The following PLLP variants were observed in gnomAD, a reference collection of about 807,000 sequenced individuals.
The protein encoded by PLLP is plasma membrane proteolipid (plasmolipin).
A neutral mutation model predicts 19.7 loss-of-function variants in PLLP; 15 were observed. That is an observed-to-expected ratio of 0.76 (90% CI 0.51 to 1.17). The LOEUF (loss-of-function observed/expected upper bound fraction) is 1.17, where lower values mean the gene tolerates loss of function less well. Ranked by LOEUF, PLLP falls within the 50% of genes most tolerant of loss-of-function variation. The probability of loss-of-function intolerance (pLI) is 0.00; values close to 1 mark genes in which losing one functional copy is unlikely to be tolerated. For missense variants in PLLP, 255 were observed against 258.3 expected (o/e 0.99, Z 0.09); for synonymous variants, 111 against 116.3 (o/e 0.95, Z 0.29).
chr16:57,258,344 T>C (rs2075432133), intron 3 of PLLP, 118 bp downstream of exon 3: 1 of 969,452 alleles, frequency 1.0e-6, no homozygotes, highest in Non-Finnish European at 1.5e-6. Flanking sequence ...ACCCACTGAG[T>C]GTTCAGGTGA....
Position 57,266,836 on chromosome 16 carries a change from T to C in PLLP, c.136-4766A>G, listed in dbSNP as rs2075458784. On this transcript the variant is annotated intron_variant, in intron 1 of 3. Coordinates refer to ENST00000219207, the MANE Select transcript of PLLP (RefSeq NM_015993.3). Reference sequence around the variant, plus strand: ...GGTCCTGCAGATAAACAAAGGGAACTGTCTGGAAATCTCAAGGGCACAGGG... The same window carrying C: ...GGTCCTGCAGATAAACAAAGGGAACCGTCTGGAAATCTCAAGGGCACAGGG... 2.0e-5 allele frequency among the ~76,000 whole-genome samples: 3 copies of C among 150,416 alleles called. No individual in the cohort carries two copies. In the South Asian group the frequency reaches 6.3e-4, roughly 32 times the overall value.
intron 2 of PLLP, among the ~76,000 whole-genome samples, chr16:57,259,136 G>A (rs1301521008): frequency 1.3e-5 from 2 of 152,076 alleles, no homozygotes; most frequent in Non-Finnish European, 2.9e-5. Context: ...ACACACCTGA[G>A]GCTGGAGGAG....
intron 1 of PLLP, among the ~76,000 whole-genome samples, chr16:57,274,548 G>T (rs1331458567): frequency 6.6e-6 from 1 of 151,970 alleles, no homozygotes; most frequent in Non-Finnish European, 1.5e-5. Context: ...TGCCTCCGGG[G>T]TTCAAGCGAT....
At chr16:57,280,334 C>G (rs1901203322) in intron 1 of PLLP, among the ~76,000 whole-genome samples, 1 of 152,142 alleles carries the variant, frequency 6.6e-6, no homozygotes, top group African/African-American at 2.4e-5. Context: ...TCCTTCTCCC[C>G]ACGGCTTGGG....
At chr16:57,268,435 T>A (rs1039956436) in intron 1 of PLLP, among the ~76,000 whole-genome samples, 19 of 152,206 alleles carry the variant, frequency 1.2e-4, no homozygotes, top group Non-Finnish European at 2.4e-4. Flanking sequence ...AGCCTCTCTG[T>A]GCCCTTGTCT....
intron 2 of PLLP, among the ~76,000 whole-genome samples, chr16:57,259,472 G>A (rs183890534): frequency 5.9e-5 from 9 of 152,310 alleles, no homozygotes; most frequent in Non-Finnish European, 1.3e-4. Flanking sequence ...AGCTGGATAT[G>A]GAACCAGACT....
intron 1 of PLLP, among the ~76,000 whole-genome samples, chr16:57,273,409 C>G (rs1901104451): frequency 6.6e-6 from 1 of 152,206 alleles, no homozygotes; most frequent in African/African-American, 2.4e-5. Context: ...CCTAGCAGCT[C>G]AGGATTTGGG....
At chr16:57,279,980 G>C (rs967838555) in intron 1 of PLLP, among the ~76,000 whole-genome samples, 1 of 152,262 alleles carries the variant, frequency 6.6e-6, no homozygotes, top group African/African-American at 2.4e-5. Flanking sequence ...CATTCACACA[G>C]CTTCCACATC....
At chr16:57,275,632 T>A (rs1597964805) in intron 1 of PLLP, among the ~76,000 whole-genome samples, 1 of 84,406 alleles carries the variant, frequency 1.2e-5, no homozygotes, top group Non-Finnish European at 2.3e-5. Flanking sequence ...ACAACAAAAT[T>A]TTGCAAGGCA....
intron 1 of PLLP, among the ~76,000 whole-genome samples, chr16:57,262,344 G>C (rs1426944447): frequency 2.0e-5 from 3 of 152,120 alleles, no homozygotes; most frequent in Non-Finnish European, 4.4e-5. Context: ...CTGAGGTCAG[G>C]AGTTCGAGAC....
rs1311441647 is a variant in PLLP, at chr16:57,279,358, C to CCTTT, written c.135+5047_135+5048insAAAG. 2.7e-3 allele frequency among the ~76,000 whole-genome samples: 400 copies of CCTTT among 148,516 alleles called. 4 individuals are homozygous for CCTTT. The highest frequency in any genetic ancestry group is 9.4e-3 in the African/African-American group (367 of 39,016). On this transcript the variant is annotated intron_variant, in intron 1 of 3. Coordinates refer to ENST00000219207, the MANE Select transcript of PLLP (RefSeq NM_015993.3). ...TCTAGGGAAGGCTTCTCTTCTTCTTCTTCCTTTTTTTTTTTTTTTGTTAAG... is the reference window on the plus strand; with the variant it reads ...TCTAGGGAAGGCTTCTCTTCTTCTTCCTTTTTCCTTTTTTTTTTTTTTTGTTAAG...
intron 1 of PLLP, among the ~76,000 whole-genome samples, chr16:57,262,378 C>G (rs1176732366): frequency 3.9e-5 from 6 of 152,084 alleles, no homozygotes; most frequent in African/African-American, 2.4e-5. Context: ...ATGGTGAAAC[C>G]CTGTCTCCAC....
intron 1 of PLLP, among the ~76,000 whole-genome samples, chr16:57,267,156 G>A (rs1470174184): frequency 6.6e-6 from 1 of 152,166 alleles, no homozygotes; most frequent in Admixed American, 6.5e-5. Context: ...CCTGCAGGGT[G>A]CATGCCCTTC....
intron 1 of PLLP, among the ~76,000 whole-genome samples, chr16:57,264,569 G>A (rs950238247): frequency 7.9e-5 from 12 of 152,256 alleles, no homozygotes; most frequent in Admixed American, 7.8e-4. Flanking sequence ...GTGGGGCTGG[G>A]CGTGGTGGCT....
Position 57,284,617 on chromosome 16 carries a change from C to A in PLLP, c.-77G>T. On this transcript the variant is annotated 5_prime_UTR_variant, in exon 1 of 4. Transcript: ENST00000219207. ...CAGCGGTGGGTGCCGGCTCCCGCGCCGCTTTTCCCCCAGGCTCCGGATCCC... is the reference window on the plus strand; with the variant it reads ...CAGCGGTGGGTGCCGGCTCCCGCGCAGCTTTTCCCCCAGGCTCCGGATCCC... 1 of 1,251,696 alleles carries A rather than the reference C, an allele frequency of 8.0e-7. No homozygotes were observed. The highest frequency in any genetic ancestry group is 3.0e-5 in the East Asian group (1 of 33,060). 77.5% of individuals were successfully genotyped at this position (1,251,696 alleles called of 1,614,324 possible).
intron 1 of PLLP, among the ~76,000 whole-genome samples, chr16:57,265,342 C>T (rs1478815605): frequency 6.6e-6 from 1 of 152,274 alleles, no homozygotes; most frequent in Non-Finnish European, 1.5e-5. Context: ...GGAGAACAAA[C>T]ACTTCGGGCA....
At chr16:57,257,145 C>G (rs368245549) in intron 3 of PLLP, 116 bp from the exon 4 acceptor site, 77 of 719,802 alleles carry the variant, frequency 1.1e-4, no homozygotes, top group East Asian at 1.1e-3. Flanking sequence ...CACACTTAGC[C>G]AGATGCATTT....
In PLLP at chr16:57,284,560, C is replaced by T. The variant is rs760583020; in HGVS notation, c.-20G>A. 2 of 1,334,922 alleles carry T rather than the reference C, an allele frequency of 1.5e-6. No homozygotes were observed. The highest frequency in any genetic ancestry group is 1.9e-6 in the Non-Finnish European group (2 of 1,035,858). 82.7% of individuals were successfully genotyped at this position (1,334,922 alleles called of 1,614,324 possible). ...GGCCATGGCGGCTCCGCTTGCCTCC[C>T]GAGGTCGCTACGGCCGCCGTCGCCG... On this transcript the variant is annotated 5_prime_UTR_variant, in exon 1 of 4. Coordinates refer to ENST00000219207, the MANE Select transcript of PLLP (RefSeq NM_015993.3).
chr16:57,264,731 C>CCA (rs1172097819), intron 1 of PLLP, among the ~76,000 whole-genome samples: 1 of 152,134 alleles, frequency 6.6e-6, no homozygotes, highest in East Asian at 1.9e-4. Context: ...CACCTGTGGT[C>CCA]CCAGCTACTT....
Sources: allele counts gnomAD v4.1 joint callset (sites outside exome capture counted in the v4.1 genomes callset), GRCh38; gene constraint gnomAD v4.1.1; transcripts MANE v1.5; gene names NCBI Gene and HGNC (gene_info 2026-07-23, HGNC 2026-07-21).